COX6B1: variants seen among roughly 807,000 people sequenced by gnomAD.
COX6B1 encodes cytochrome c oxidase subunit 6B1, also known as COX VIb-1.
In COX6B1, 2 loss-of-function variants were observed where a neutral mutation model predicts 14.0. The ratio of observed to expected loss-of-function variants is 0.14; its 90% confidence interval spans 0.06 to 0.45. COX6B1 has a LOEUF of 0.45. COX6B1 is among the 20% of genes least tolerant of loss of function. The probability of loss-of-function intolerance (pLI) is 0.98; values close to 1 mark genes in which losing one functional copy is unlikely to be tolerated. For missense variants in COX6B1, 81 were observed against 114.2 expected (o/e 0.71, Z 1.33); for synonymous variants, 30 against 39.7 (o/e 0.76, Z 0.92).
intron 3 of COX6B1, among the ~76,000 whole-genome samples, chr19:35,658,348 G>A (rs180895024): frequency 1.8e-4 from 28 of 152,098 alleles, no homozygotes; most frequent in African/African-American, 6.0e-4. Context: ...TCTCCCCATC[G>A]ACAGCTCTGC....
chr19:35,654,806 C>T (rs1967869307), intron 3 of COX6B1, 135 bp downstream of exon 3: 1 of 729,486 alleles, frequency 1.4e-6, no homozygotes, highest in South Asian at 1.8e-5. Flanking sequence ...GACTCAGTGC[C>T]TTTCCTCCCG....
chr19:35,654,933 C>T (rs1967870566), intron 3 of COX6B1, among the ~76,000 whole-genome samples: 1 of 152,150 alleles, frequency 6.6e-6, no homozygotes, highest in Admixed American at 6.6e-5. Context: ...TCCAAATACA[C>T]ACTCAGCACT....
In COX6B1 at chr19:35,654,629, A is replaced by G. The variant is rs1181271352; in HGVS notation, c.165A>G (p.Glu55=). 7 of 1,614,054 alleles carry G rather than the reference A, an allele frequency of 4.3e-6. No individual in the cohort carries two copies. Among genetic ancestry groups the G allele is most frequent in the African/African-American group, 1.3e-5 (1 of 74,918 alleles). Residue 55 remains glutamate (E), a synonymous_variant, in exon 3 of 4, where the codon GAA becomes GAG. Coordinates refer to ENST00000649813, the MANE Select transcript of COX6B1 (RefSeq NM_001863.5). ...TAKGGDISVC[E]WYQRVYQSLC... ...AAGGAGGCGATATCTCTGTGTGCGA[A>G]TGGTACCAGCGTGTGTACCAGTCCC...
intron 2 of COX6B1, among the ~76,000 whole-genome samples, chr19:35,653,303 C>A (rs1033220662): frequency 1.3e-4 from 20 of 149,316 alleles, no homozygotes; most frequent in African/African-American, 1.7e-4. Flanking sequence ...GACAGAGTCT[C>A]GCTCTGTTGC....
Position 35,651,237 on chromosome 19 carries a change from C to A in COX6B1, c.-7C>A. 1.2e-6 allele frequency: 2 copies of A among 1,611,416 alleles called. No homozygotes were observed. Among genetic ancestry groups the A allele is most frequent in the South Asian group, 2.2e-5 (2 of 90,988 alleles). ...ACCCACTCCTTTCGCCTCCAGGATT[C>A]AGCACCATGGCGGAAGACATGGAGA... On this transcript the variant is annotated 5_prime_UTR_variant, in exon 2 of 4. Transcript: ENST00000649813.
At position 35,654,635 on chromosome 19, in the gene COX6B1, C is replaced by T. The variant is rs753077817; in HGVS notation, c.171C>T (p.Tyr57=). 1.9e-6 allele frequency: 3 copies of T among 1,614,168 alleles called. No individual in the cohort carries two copies. Among genetic ancestry groups the T allele is most frequent in the Admixed American group, 1.7e-5 (1 of 60,006 alleles). The change falls in exon 3 of 4, where the codon TAC becomes TAT. Residue 57 remains tyrosine, a synonymous_variant. Coordinates refer to ENST00000649813, the MANE Select transcript of COX6B1 (RefSeq NM_001863.5). ...KGGDISVCEW[Y]QRVYQSLCPT... The stretch of plus-strand genomic sequence containing the variant: ...GCGATATCTCTGTGTGCGAATGGTA[C>T]CAGCGTGTGTACCAGTCCCTCTGCC...
chr19:35,655,599 T>C (rs962334052), intron 3 of COX6B1, among the ~76,000 whole-genome samples: 1 of 151,048 alleles, frequency 6.6e-6, no homozygotes, highest in Non-Finnish European at 1.5e-5. Context: ...AATAGCTCTT[T>C]GCTATGCCCC....
chr19:35,658,379 G>T (rs1343984037), intron 3 of COX6B1, among the ~76,000 whole-genome samples: 1 of 151,996 alleles, frequency 6.6e-6, no homozygotes, highest in Non-Finnish European at 1.5e-5. Flanking sequence ...GGGTTTTCCT[G>T]CCCATTACTC....
chr19:35,651,151 G>T, intron 1 of COX6B1, 82 bp from the exon 2 acceptor site: 1 of 833,310 alleles, frequency 1.2e-6, no homozygotes, highest in South Asian at 1.3e-5. Flanking sequence ...TTCCGTGCCT[G>T]CCCTCTTCCA....
At chr19:35,655,082 T>C (rs1599622756) in intron 3 of COX6B1, among the ~76,000 whole-genome samples, 1 of 147,616 alleles carries the variant, frequency 6.8e-6, no homozygotes, top group African/African-American at 2.5e-5. Context: ...AAGGCTGGAG[T>C]GCAGTGGCGC....
chr19:35,655,440 T>G (rs993352240), intron 3 of COX6B1, among the ~76,000 whole-genome samples: 2 of 152,182 alleles, frequency 1.3e-5, no homozygotes, highest in African/African-American at 4.8e-5. Context: ...CTACCCCTTT[T>G]CGTTTTCTTC....
intron 2 of COX6B1, 66 bp downstream of exon 2, chr19:35,651,415 C>T: frequency 8.4e-7 from 1 of 1,183,450 alleles, no homozygotes; most frequent in Non-Finnish European, 1.3e-6. Flanking sequence ...CCTAGGGGAC[C>T]CATCCACCCC....
chr19:35,652,567 T>A (rs1467027393), intron 2 of COX6B1, among the ~76,000 whole-genome samples: 1 of 151,828 alleles, frequency 6.6e-6, no homozygotes, highest in Non-Finnish European at 1.5e-5. Flanking sequence ...CACTAGTAGC[T>A]GGGATTACAG....
chr19:35,651,263 C>CCA lies in COX6B1; in HGVS notation c.21_22dup (p.Lys8ThrfsTer38). 6.2e-7 allele frequency: 1 copy of CCA among 1,614,068 alleles called. No homozygotes were observed. Among genetic ancestry groups the CCA allele is most frequent in the Non-Finnish European group, 8.5e-7 (1 of 1,179,958 alleles). On this transcript the variant is annotated frameshift_variant, in exon 2 of 4. Coordinates refer to ENST00000649813, the MANE Select transcript of COX6B1 (RefSeq NM_001863.5). LOFTEE classifies it high-confidence loss of function. ...AGCACCATGGCGGAAGACATGGAGACCAAAATCAAGAACTACAAGACCGCC... is the reference window on the plus strand; with the variant it reads ...AGCACCATGGCGGAAGACATGGAGACCACAAAATCAAGAACTACAAGACCGCC...
intron 3 of COX6B1, among the ~76,000 whole-genome samples, chr19:35,655,187 G>A (rs1347205406): frequency 6.6e-6 from 1 of 151,802 alleles, no homozygotes; most frequent in East Asian, 1.9e-4. Flanking sequence ...GCACCACCAT[G>A]CCCAGCTAGT....
chr19:35,652,948 G>A (rs1002062403), intron 2 of COX6B1, among the ~76,000 whole-genome samples: 1 of 148,814 alleles, frequency 6.7e-6, no homozygotes. Flanking sequence ...ACAGGCGCTC[G>A]CCACCACACC....
At chr19:35,657,654 T>TG (rs1250432763) in intron 3 of COX6B1, among the ~76,000 whole-genome samples, 1 of 147,954 alleles carries the variant, frequency 6.8e-6, no homozygotes, top group Non-Finnish European at 1.5e-5. Context: ...CTTTTCATTT[T>TG]TTTTTTTTTT....
chr19:35,651,803 G>A lies in COX6B1; in HGVS notation c.106+454G>A, dbSNP rs550245132. 4.0e-5 allele frequency among the ~76,000 whole-genome samples: 6 copies of A among 151,774 alleles called. No individual in the cohort carries two copies. The East Asian group carries it at 9.7e-4, about 25-fold the overall frequency. The stretch of plus-strand genomic sequence containing the variant: ...TGGTCTCAAACTCTTGGCTTCATGC[G>A]CTCTTCCTGCCTCAGCTTCTCAAAG... On this transcript the variant is annotated intron_variant, in intron 2 of 3. Transcript: ENST00000649813.
At chr19:35,654,361 T>G (rs1414869808) in intron 2 of COX6B1, among the ~76,000 whole-genome samples, 2 of 152,056 alleles carry the variant, frequency 1.3e-5, no homozygotes, top group Non-Finnish European at 2.9e-5. Flanking sequence ...AAAAATTAGC[T>G]GGGCATGGTG....
Sources: gnomAD v4.1 joint callset for allele counts (sites outside exome capture counted in the v4.1 genomes callset) on GRCh38, gnomAD v4.1.1 for gene constraint, MANE v1.5 for transcripts, NCBI Gene and HGNC (gene_info 2026-07-23, HGNC 2026-07-21) for gene names.